PTPN6: variants seen among roughly 807,000 people sequenced by gnomAD.
PTPN6 encodes protein tyrosine phosphatase non-receptor type 6.
A neutral mutation model predicts 81.5 loss-of-function variants in PTPN6; 18 were observed. That is an observed-to-expected ratio of 0.22 (90% confidence interval 0.15 to 0.33). The LOEUF is 0.33. Ranked by LOEUF, PTPN6 falls within the 10% of genes least tolerant of loss-of-function variation. The pLI, the probability that PTPN6 is intolerant of heterozygous loss-of-function variation, is 1.00. For missense variants in PTPN6, 500 were observed against 794.2 expected, an observed-to-expected ratio of 0.63 and a Z score of 4.45; for synonymous variants, 301 against 310.9, an observed-to-expected ratio of 0.97 and a Z score of 0.33.
chr12:6,947,829 C>T (rs1945854535), upstream of PTPN6, among the ~76,000 whole-genome samples: 2 of 151,976 alleles, frequency 1.3e-5, no homozygotes, highest in African/African-American at 4.8e-5. Context: ...GGCCATGTGA[C>T]GTAGTGATCA....
chr12:6,948,945 CAA>C (rs1165231109), upstream of PTPN6, among the ~76,000 whole-genome samples: 26 of 84,918 alleles, frequency 3.1e-4, no homozygotes, highest in Admixed American at 3.9e-4. Context: ...GACTCCATCT[CAA>C]AAAAAAAAAA....
Position 6,960,473 on chromosome 12 carries a change from C to CT in PTPN6, c.1673+41dup. On this transcript the variant is annotated intron_variant, in intron 14 of 15. Transcript: ENST00000318974. This position sits in a 1 kb window ranked among gnomAD's most constrained non-coding sequence, Gnocchi z 6.1. ...GACTGCCACTGCCCGGCATCCACCC[C>CT]TTTGTCCTGCCCAGCCCGATCCTCA... 2 of 1,590,182 alleles carry CT rather than the reference C, an allele frequency of 1.3e-6. No homozygotes were observed. Among genetic ancestry groups the CT allele is most frequent in the Non-Finnish European group, 1.7e-6 (2 of 1,160,328 alleles).
At position 6,954,429 on chromosome 12, in the gene PTPN6, C is replaced by T. The variant is rs782611781; in HGVS notation, c.327-376C>T. 2.6e-5 allele frequency among the ~76,000 whole-genome samples: 4 copies of T among 152,270 alleles called. No homozygotes were observed. The highest frequency in any genetic ancestry group is 4.1e-4 in the South Asian group (2 of 4,820). On this transcript the variant is annotated intron_variant, in intron 3 of 15. Coordinates refer to ENST00000318974, the MANE Select transcript of PTPN6 (RefSeq NM_002831.6). The surrounding 1 kb of genome is among the most constrained non-coding windows in gnomAD (Gnocchi z 5.4). ...GCCTTTCAGAGGTGGGCTCTGGGTT[C>T]GAAGCCCGGTTAGAACTCTGGAGGC...
In PTPN6 at chr12:6,956,458, A is replaced by C. The variant is rs782127411; in HGVS notation, c.964A>C (p.Ile322Leu). The C allele has an allele frequency of 6.2e-7, 1 of 1,614,098 alleles. No homozygotes were observed. The change falls in exon 9 of 16, where the codon ATC (isoleucine) becomes CTC (leucine). Residue 322 changes from isoleucine (I) to leucine (L), a missense_variant. Ile to Leu is a conservative substitution (Grantham distance 5). This residue lies in a region of PTPN6 where 226 missense variants were observed against 364.4 expected (regional missense o/e 0.62). Transcript: ENST00000318974. The surrounding 1 kb of genome is among the most constrained non-coding windows in gnomAD (Gnocchi z 4.1). ...LGPDENAKTYIASQGCLEATV... is the reference protein window; with the variant it reads ...LGPDENAKTYLASQGCLEATV... ...CCCTGATGAGAACGCTAAGACCTAC[A>C]TCGCCAGCCAGGGTTGTCTGGAGGC...
rs1945928535 is a variant in PTPN6, at chr12:6,951,705, C to T, written c.105C>T (p.Asn35=). The change falls in exon 2 of 16, where the codon AAC becomes AAT. Residue 35 remains asparagine, a synonymous_variant. Transcript: ENST00000318974. This position sits in a 1 kb window ranked among gnomAD's most constrained non-coding sequence, Gnocchi z 7.2. ...GSFLARPSRK[N]QGDFSLSVRV... is the part of the protein sequence containing the mutation. Reference sequence around the variant, plus strand: ...TCCTGGCTCGGCCCAGTCGCAAGAACCAGGGTGACTTCTCGCTCTCCGTCA... The same window carrying T: ...TCCTGGCTCGGCCCAGTCGCAAGAATCAGGGTGACTTCTCGCTCTCCGTCA... 1 of 1,613,370 alleles carries T rather than the reference C, an allele frequency of 6.2e-7. No homozygotes were observed. The highest frequency in any genetic ancestry group is 8.5e-7 in the Non-Finnish European group (1 of 1,180,000).
upstream of PTPN6, among the ~76,000 whole-genome samples, chr12:6,949,356 A>G (rs892047930): frequency 4.6e-5 from 7 of 152,010 alleles, no homozygotes; most frequent in Non-Finnish European, 1.0e-4. Flanking sequence ...CCTCTGGGGG[A>G]GCACTTCTTC....
In PTPN6 at chr12:6,960,039, T is replaced by C; in HGVS notation, c.1429+45T>C. Reference sequence around the variant, plus strand: ...TTGGGGGTGGGGGGTGAGCAGCCCCTCGGTGTCCGCCTATGCCTGGACCTG... The same window carrying C: ...TTGGGGGTGGGGGGTGAGCAGCCCCCCGGTGTCCGCCTATGCCTGGACCTG... On this transcript the variant is annotated intron_variant, in intron 12 of 15. Transcript: ENST00000318974. This position sits in a 1 kb window ranked among gnomAD's most constrained non-coding sequence, Gnocchi z 6.1. 4 of 1,612,612 alleles carry C rather than the reference T, an allele frequency of 2.5e-6. No individual in the cohort carries two copies. Among genetic ancestry groups the C allele is most frequent in the Non-Finnish European group, 3.4e-6 (4 of 1,179,840 alleles).
rs2138260270 is a variant in PTPN6, at chr12:6,951,980, C to T, written c.132-3C>T. The T allele has an allele frequency of 6.2e-7, 1 of 1,613,976 alleles. No individual in the cohort carries two copies. Among genetic ancestry groups the T allele is most frequent in the East Asian group, 2.2e-5 (1 of 44,878 alleles). On this transcript the variant is annotated splice_region_variant and splice_polypyrimidine_tract_variant and intron_variant, in intron 2 of 15. Coordinates refer to ENST00000318974, the MANE Select transcript of PTPN6 (RefSeq NM_002831.6). This position sits in a 1 kb window ranked among gnomAD's most constrained non-coding sequence, Gnocchi z 7.2. ...ACTGGCCTCACCGCCTGGTGCCCTG[C>T]AGGGTGGGGGATCAGGTGACCCATA...
chr12:6,951,975 C>T lies in PTPN6; in HGVS notation c.132-8C>T, dbSNP rs376383854. 6.2e-7 allele frequency: 1 copy of T among 1,613,736 alleles called. No individual in the cohort carries two copies. The highest frequency in any genetic ancestry group is 8.5e-7 in the Non-Finnish European group (1 of 1,179,872). On this transcript the variant is annotated splice_region_variant and splice_polypyrimidine_tract_variant and intron_variant, in intron 2 of 15. Coordinates refer to ENST00000318974, the MANE Select transcript of PTPN6 (RefSeq NM_002831.6). This position sits in a 1 kb window ranked among gnomAD's most constrained non-coding sequence, Gnocchi z 7.2. ...CACCGACTGGCCTCACCGCCTGGTG[C>T]CCTGCAGGGTGGGGGATCAGGTGAC...
upstream of PTPN6, chr12:6,946,826 G>A: frequency 1.4e-6 from 2 of 1,388,582 alleles, no homozygotes; most frequent in Non-Finnish European, 2.0e-6. Context: ...CGACGTGTGT[G>A]AACGTGAGTG....
At position 6,951,412 on chromosome 12, in the gene PTPN6, TG is replaced by T; in HGVS notation, c.-98del. On this transcript the variant is annotated 5_prime_UTR_variant, in exon 1 of 16. Coordinates refer to ENST00000318974, the MANE Select transcript of PTPN6 (RefSeq NM_002831.6). The surrounding 1 kb of genome is among the most constrained non-coding windows in gnomAD (Gnocchi z 7.2). ...CGGGGGTGGTGAGGCGGCCCGGCAC[TG>T]GGAGCTGCATCTGAGGCTTAGTCCC... 7 of 1,559,344 alleles carry T rather than the reference TG, an allele frequency of 4.5e-6. No individual in the cohort carries two copies. Among genetic ancestry groups the T allele is most frequent in the Non-Finnish European group, 6.1e-6 (7 of 1,152,464 alleles).
chr12:6,957,720 A>C lies in PTPN6; in HGVS notation c.1141A>C (p.Asn381His). The C allele has an allele frequency of 6.2e-7, 1 of 1,607,526 alleles. No homozygotes were observed. The highest frequency in any genetic ancestry group is 8.5e-7 in the Non-Finnish European group (1 of 1,176,278). ...TGCTTATGGGCCCTACTCTGTGACC[A>C]ACTGCGGGGAGCATGACACAACCGA... Reference protein sequence around the residue: ...QRAYGPYSVTNCGEHDTTEYK... With the variant: ...QRAYGPYSVTHCGEHDTTEYK... Residue 381 changes from asparagine to histidine, a missense_variant, in exon 10 of 16, where the codon AAC (asparagine) becomes CAC (histidine). Asn to His is a moderately conservative substitution (Grantham distance 68). Coordinates refer to ENST00000318974, the MANE Select transcript of PTPN6 (RefSeq NM_002831.6). This position sits in a 1 kb window ranked among gnomAD's most constrained non-coding sequence, Gnocchi z 6.5.
chr12:6,956,680 C>T lies in PTPN6; in HGVS notation c.1074+112C>T. The T allele has an allele frequency of 2.1e-6, 3 of 1,429,994 alleles. No individual in the cohort carries two copies. Among genetic ancestry groups the T allele is most frequent in the South Asian group, 1.2e-5 (1 of 83,544 alleles). The allele number at this position is 1,429,994 out of a possible 1,614,324, so 88.6% of individuals were successfully genotyped here. On this transcript the variant is annotated intron_variant, in intron 9 of 15. Coordinates refer to ENST00000318974, the MANE Select transcript of PTPN6 (RefSeq NM_002831.6). This position sits in a 1 kb window ranked among gnomAD's most constrained non-coding sequence, Gnocchi z 4.1. ...GGGATCTCAGGGGTGAGGGTCCGGC[C>T]CTTGTTGGGAAACTGAGGGCTAGTG...
intron 11 of PTPN6, among the ~76,000 whole-genome samples, chr12:6,958,412 C>T (rs1565584130): frequency 2.0e-5 from 3 of 152,380 alleles, no homozygotes; most frequent in East Asian, 3.9e-4. Flanking sequence ...CCACAGTAGG[C>T]CTGTGTCCCG....
chr12:6,959,480 G>T lies in PTPN6; in HGVS notation c.1362-447G>T. On this transcript the variant is annotated intron_variant, in intron 11 of 15. Transcript: ENST00000318974. This position sits in a 1 kb window ranked among gnomAD's most constrained non-coding sequence, Gnocchi z 6.6. ...TGCCCCCGCACCCTGCTGTCTCAGGGCTATCCTTTCCCTGACGTCAGGGTT... is the reference window on the plus strand; with the variant it reads ...TGCCCCCGCACCCTGCTGTCTCAGGTCTATCCTTTCCCTGACGTCAGGGTT... 1.4e-5 allele frequency: 4 copies of T among 291,114 alleles called. No individual in the cohort carries two copies. Among genetic ancestry groups the T allele is most frequent in the South Asian group, 1.3e-4 (4 of 30,396 alleles). 18.0% of individuals were successfully genotyped at this position (291,114 alleles called of 1,614,324 possible). A position where few individuals can be genotyped will look rare whatever the true frequency, so the allele number is the denominator to read the frequency against.
Position 6,957,589 on chromosome 12 carries a change from A to G in PTPN6, c.1075-65A>G. On this transcript the variant is annotated intron_variant, in intron 9 of 15. Coordinates refer to ENST00000318974, the MANE Select transcript of PTPN6 (RefSeq NM_002831.6). The surrounding 1 kb of genome is among the most constrained non-coding windows in gnomAD (Gnocchi z 6.5). ...GTGCCAGGCACTCAGAACATAGAGC[A>G]GGACCTGGGATGGGCCACAGTGCCC... The G allele has an allele frequency of 6.3e-7, 1 of 1,582,930 alleles. No individual in the cohort carries two copies. Among genetic ancestry groups the G allele is most frequent in the Non-Finnish European group, 8.6e-7 (1 of 1,160,416 alleles).
Position 6,959,699 on chromosome 12 carries a change from G to A in PTPN6, c.1362-228G>A, listed in dbSNP as rs1423101895. 9.9e-6 allele frequency: 6 copies of A among 603,804 alleles called. No individual in the cohort carries two copies. Among genetic ancestry groups the A allele is most frequent in the African/African-American group, 9.3e-5 (5 of 53,962 alleles). The allele number at this position is 603,804 out of a possible 1,614,324, so 37.4% of individuals were successfully genotyped here. ...GAGGAGTGGAGGAGGGAAGGATGGT[G>A]GCAGCTGGGGAGCCAGCGTCAGCAC... On this transcript the variant is annotated intron_variant, in intron 11 of 15. Transcript: ENST00000318974. The surrounding 1 kb of genome is among the most constrained non-coding windows in gnomAD (Gnocchi z 6.6).
chr12:6,955,898 C>A lies in PTPN6; in HGVS notation c.844+142C>A. 1 of 875,894 alleles carries A rather than the reference C, an allele frequency of 1.1e-6. No individual in the cohort carries two copies. Among genetic ancestry groups the A allele is most frequent in the Admixed American group, 2.0e-5 (1 of 49,380 alleles). 54.3% of individuals were successfully genotyped at this position (875,894 alleles called of 1,614,324 possible). On this transcript the variant is annotated intron_variant, in intron 7 of 15. Coordinates refer to ENST00000318974, the MANE Select transcript of PTPN6 (RefSeq NM_002831.6). The surrounding 1 kb of genome is among the most constrained non-coding windows in gnomAD (Gnocchi z 7.2). ...CAGAGCCTCCCCCTTCTCCAAAAGG[C>A]CTCTACTCCTCCCAGAAGTGCCTCC...
At chr12:6,950,516 C>A (rs1428179624), upstream of PTPN6, among the ~76,000 whole-genome samples, 4 of 152,112 alleles carry the variant, frequency 2.6e-5, no homozygotes, top group Admixed American at 2.6e-4. Context: ...AGTGCTGGGG[C>A]AGGGCAGAGG....
Sources: allele counts gnomAD v4.1 joint callset (sites outside exome capture counted in the v4.1 genomes callset), GRCh38; gene constraint gnomAD v4.1.1; regional missense constraint gnomAD v4.1.1; non-coding constraint Gnocchi (gnomAD v3.1); transcripts MANE v1.5; gene names NCBI Gene and HGNC (gene_info 2026-07-23, HGNC 2026-07-21).